KCNQ1OT1: variants seen among roughly 807,000 people sequenced by gnomAD.
KCNQ1OT1 encodes the protein KCNQ1 antisense RNA 2 (non-protein coding).
exon 1 of KCNQ1OT1, chr11:2,616,407 T>A: frequency 1.0e-5 from 4 of 398,024 alleles, no homozygotes; most frequent in Non-Finnish European, 1.8e-5. Context: ...TCTCCACTCA[T>A]ACATATTATT....
In KCNQ1OT1 at chr11:2,673,647, C is replaced by T. The variant is rs940673040; in HGVS notation, n.26348G>A. 1.8e-5 allele frequency: 7 copies of T among 398,646 alleles called. No individual in the cohort carries two copies. In the Admixed American group the frequency reaches 2.2e-4, roughly 13 times the overall value. 24.7% of individuals were successfully genotyped at this position (398,646 alleles called of 1,614,324 possible). On this transcript the variant is annotated non_coding_transcript_exon_variant, in exon 1 of 1. Transcript: ENST00000597346. This position sits in a 1 kb window ranked among gnomAD's most constrained non-coding sequence, Gnocchi z 4.5. Reference sequence around the variant, plus strand: ...TTGCTACTGCTGATGACCACCCTGACTCATGTCCCTTGTCTGCATAGGTGT... The same window carrying T: ...TTGCTACTGCTGATGACCACCCTGATTCATGTCCCTTGTCTGCATAGGTGT...
At chr11:2,643,212 T>G in exon 1 of KCNQ1OT1, 1 of 398,302 alleles carries the variant, frequency 2.5e-6, no homozygotes, top group Non-Finnish European at 4.4e-6. Flanking sequence ...CAATGTTTCT[T>G]TGTTAATTTT....
At chr11:2,655,667 C>T in exon 1 of KCNQ1OT1, 2 of 397,010 alleles carry the variant, frequency 5.0e-6, no homozygotes, top group Admixed American at 8.9e-5. Context: ...CTGGAAAGAG[C>T]TGAATCCCCA....
In KCNQ1OT1 at chr11:2,678,453, A is replaced by G. The variant is rs1011816329; in HGVS notation, n.21542T>C. On this transcript the variant is annotated non_coding_transcript_exon_variant, in exon 1 of 1. Coordinates refer to ENST00000597346, the Ensembl canonical transcript of KCNQ1OT1. The surrounding 1 kb of genome is among the most constrained non-coding windows in gnomAD (Gnocchi z 4.9). ...CATCATCATCTCTCTACTAATTTCAACTGCTACCTTTATCATATTTCAAAC... is the reference window on the plus strand; with the variant it reads ...CATCATCATCTCTCTACTAATTTCAGCTGCTACCTTTATCATATTTCAAAC... The G allele has an allele frequency of 2.3e-5, 9 of 398,578 alleles. No homozygotes were observed. Among genetic ancestry groups the G allele is most frequent in the African/African-American group, 6.2e-5 (3 of 48,746 alleles). 24.7% of individuals were successfully genotyped at this position (398,578 alleles called of 1,614,324 possible).
In KCNQ1OT1 at chr11:2,624,430, G is replaced by A. The variant is rs879556611; in HGVS notation, n.75565C>T. On this transcript the variant is annotated non_coding_transcript_exon_variant, in exon 1 of 1. Coordinates refer to ENST00000597346, the Ensembl canonical transcript of KCNQ1OT1. The surrounding 1 kb of genome is among the most constrained non-coding windows in gnomAD (Gnocchi z 4.9). ...AAACTTTTATTTTTAACAAAGTCTA[G>A]CTTATCAATTATTTCTTTCATGAAT... 1 of 398,376 alleles carries A rather than the reference G, an allele frequency of 2.5e-6. No individual in the cohort carries two copies. The allele number at this position is 398,376 out of a possible 1,614,324, so 24.7% of individuals were successfully genotyped here. A position where few individuals can be genotyped will look rare whatever the true frequency, so the allele number is the denominator to read the frequency against.
exon 1 of KCNQ1OT1, chr11:2,666,707 T>C: frequency 5.0e-6 from 2 of 398,704 alleles, no homozygotes; most frequent in Non-Finnish European, 8.8e-6. Context: ...GACATCCAGG[T>C]CCACTGTGAC....
exon 1 of KCNQ1OT1, chr11:2,681,603 C>T (rs956618294): frequency 4.3e-5 from 17 of 398,284 alleles, no homozygotes; most frequent in African/African-American, 2.5e-4. Flanking sequence ...CTTGCTCACT[C>T]GCTCTCCCCA....
In KCNQ1OT1 at chr11:2,657,850, A is replaced by G. The variant is rs953177376; in HGVS notation, n.42145T>C. On this transcript the variant is annotated non_coding_transcript_exon_variant, in exon 1 of 1. Coordinates refer to ENST00000597346, the Ensembl canonical transcript of KCNQ1OT1. The surrounding 1 kb of genome is among the most constrained non-coding windows in gnomAD (Gnocchi z 4.8). Reference sequence around the variant, plus strand: ...TCTGGTGTTTTCTCAGGACTAGACCAGGGTTATAGGTTTAGGGGAAGGAGG... The same window carrying G: ...TCTGGTGTTTTCTCAGGACTAGACCGGGGTTATAGGTTTAGGGGAAGGAGG... 51 of 398,612 alleles carry G rather than the reference A, an allele frequency of 1.3e-4. No homozygotes were observed. The Admixed American group carries it at 2.0e-3, about 15-fold the overall frequency. The allele number at this position is 398,612 out of a possible 1,614,324, so 24.7% of individuals were successfully genotyped here.
chr11:2,631,040 C>G, exon 1 of KCNQ1OT1: 1 of 398,458 alleles, frequency 2.5e-6, no homozygotes, highest in Non-Finnish European at 4.4e-6. Context: ...ATTTTGATGG[C>G]AATATATCTA....
At chr11:2,649,716 T>C (rs1849728623) in exon 1 of KCNQ1OT1, 1 of 398,604 alleles carries the variant, frequency 2.5e-6, no homozygotes, top group East Asian at 3.6e-5. Flanking sequence ...GCTTCTCTCT[T>C]GTTTTTTAAA....
chr11:2,655,949 C>G (rs1363231576), exon 1 of KCNQ1OT1: 1 of 398,628 alleles, frequency 2.5e-6, no homozygotes, highest in African/African-American at 2.1e-5. Context: ...TCCTCTCTGG[C>G]AGGTGCAGGT....
Position 2,620,447 on chromosome 11 carries a change from C to T in KCNQ1OT1, n.79548G>A, listed in dbSNP as rs1849151141. 1 of 294,962 alleles carries T rather than the reference C, an allele frequency of 3.4e-6. No individual in the cohort carries two copies. The highest frequency in any genetic ancestry group is 5.2e-5 in the Admixed American group (1 of 19,368). The allele number at this position is 294,962 out of a possible 1,614,324, so 18.3% of individuals were successfully genotyped here. On this transcript the variant is annotated non_coding_transcript_exon_variant, in exon 1 of 1. Transcript: ENST00000597346. This position sits in a 1 kb window ranked among gnomAD's most constrained non-coding sequence, Gnocchi z 4.5. The stretch of plus-strand genomic sequence containing the variant: ...GTCAGGCTGGTCTCGAACTCCTGAC[C>T]TCAGGTGATCCACCCGCCTTGGCCT...
exon 1 of KCNQ1OT1, chr11:2,662,295 G>T: frequency 1.6e-6 from 1 of 607,972 alleles, no homozygotes; most frequent in East Asian, 2.8e-5. Flanking sequence ...TGATCCTCTT[G>T]TTTTGACTTA....
In KCNQ1OT1 at chr11:2,671,478, A is replaced by G; in HGVS notation, n.28517T>C. The stretch of plus-strand genomic sequence containing the variant: ...AACCCAGCAGGGGATATACACAAAG[A>G]TCTGAGAAAGGGATTATTTTTAGGG... On this transcript the variant is annotated non_coding_transcript_exon_variant, in exon 1 of 1. Transcript: ENST00000597346. The surrounding 1 kb of genome is among the most constrained non-coding windows in gnomAD (Gnocchi z 4.7). 1 of 398,570 alleles carries G rather than the reference A, an allele frequency of 2.5e-6. No homozygotes were observed. The highest frequency in any genetic ancestry group is 2.1e-5 in the African/African-American group (1 of 48,716). The allele number at this position is 398,570 out of a possible 1,614,324, so 24.7% of individuals were successfully genotyped here.
At chr11:2,693,132 C>T in exon 1 of KCNQ1OT1, 2 of 398,658 alleles carry the variant, frequency 5.0e-6, no homozygotes, top group South Asian at 2.5e-4. Flanking sequence ...TTCTGTCAAT[C>T]ACCAGATAGC....
At chr11:2,615,154 C>G in exon 1 of KCNQ1OT1, 1 of 397,934 alleles carries the variant, frequency 2.5e-6, no homozygotes, top group East Asian at 3.6e-5. Flanking sequence ...CTTTTTGATG[C>G]TATTGTAAGT....
rs1469727641 is a variant in KCNQ1OT1, at chr11:2,623,732, C to G, written n.76263G>C. The G allele has an allele frequency of 2.5e-6, 1 of 398,490 alleles. No homozygotes were observed. The highest frequency in any genetic ancestry group is 2.1e-5 in the African/African-American group (1 of 48,716). 24.7% of individuals were successfully genotyped at this position (398,490 alleles called of 1,614,324 possible). A position where few individuals can be genotyped will look rare whatever the true frequency, so the allele number is the denominator to read the frequency against. ...TCACAAATAAAGCTTCTGTAAACATCTCTGTGCAGATTTTTATGTGAATAT... is the reference window on the plus strand; with the variant it reads ...TCACAAATAAAGCTTCTGTAAACATGTCTGTGCAGATTTTTATGTGAATAT... On this transcript the variant is annotated non_coding_transcript_exon_variant, in exon 1 of 1. Transcript: ENST00000597346. The surrounding 1 kb of genome is among the most constrained non-coding windows in gnomAD (Gnocchi z 5.2).
exon 1 of KCNQ1OT1, chr11:2,615,377 A>G: frequency 5.0e-6 from 2 of 398,046 alleles, no homozygotes; most frequent in Non-Finnish European, 8.9e-6. Flanking sequence ...TTTGGATGCT[A>G]TTCATTTACC....
At chr11:2,696,063 T>C (rs462402) in exon 1 of KCNQ1OT1, 249,371 of 398,438 alleles carry the variant, frequency 0.63, 83,319 homozygotes, top group East Asian at 0.99. Context: ...GAAAACAGTC[T>C]TGACCCTTGC....
Sources: allele counts gnomAD v4.1 joint callset, GRCh38; gene constraint gnomAD v4.1.1; non-coding constraint Gnocchi (gnomAD v3.1); transcripts MANE v1.5; gene names NCBI Gene and HGNC (gene_info 2026-07-23, HGNC 2026-07-21).